Variants in NCALD observed in about 807,000 individuals in gnomAD.
NCALD encodes the protein neurocalcin-delta.
Under a neutral mutation model 18.6 loss-of-function variants are expected in NCALD, and 10 were observed. That is an observed-to-expected ratio of 0.54 (90% CI 0.33 to 0.91). The LOEUF is 0.91. Ranked by LOEUF, NCALD falls within the 40% of genes least tolerant of loss-of-function variation. The pLI is 0.03. For missense variants in NCALD, 184 were observed against 247.6 expected, an observed-to-expected ratio of 0.74 and a Z score of 1.72; for synonymous variants, 88 against 87.4, an observed-to-expected ratio of 1.01 and a Z score of -0.04.
intron 2 of NCALD, among the ~76,000 whole-genome samples, chr8:101,981,330 G>A (rs79058373): frequency 1.2e-3 from 180 of 152,124 alleles, no homozygotes; most frequent in African/African-American, 4.2e-3. Context: ...CCTGATTATA[G>A]CCAGTTATAT....
intron 2 of NCALD, among the ~76,000 whole-genome samples, chr8:102,012,467 C>T (rs1213213287): frequency 1.3e-5 from 2 of 152,220 alleles, no homozygotes; most frequent in African/African-American, 4.8e-5. Context: ...ATCAGCATTA[C>T]ATCAGGAGTC....
At chr8:101,719,740 A>AAAAC in intron 1 of NCALD, 92 bp from the exon 2 acceptor site, 1 of 1,225,094 alleles carries the variant, frequency 8.2e-7, no homozygotes, top group South Asian at 1.6e-5. Context: ...GGAAGAAGAA[A>AAAAC]AAACAAACAA....
Position 101,984,163 on chromosome 8 carries a change from TTC to T in NCALD, c.-157+36072_-157+36073del, listed in dbSNP as rs562501616. Among the ~76,000 whole-genome samples, 268 of 152,334 alleles carry T rather than the reference TTC, an allele frequency of 1.8e-3. 1 individual carries two copies. Among genetic ancestry groups the T allele is most frequent in the South Asian group, 3.1e-3 (15 of 4,824 alleles). On this transcript the variant is annotated intron_variant, in intron 2 of 6. Transcript: ENST00000311028. ...GGCTCACTCCTTATTACTTGGACAGTTCTCTGTTTCTAACTCTTTAACCTTCC... is the reference window on the plus strand; with the variant it reads ...GGCTCACTCCTTATTACTTGGACAGTTCTGTTTCTAACTCTTTAACCTTCC...
At chr8:101,831,365 C>T (rs1814178717) in intron 4 of NCALD, among the ~76,000 whole-genome samples, 1 of 152,112 alleles carries the variant, frequency 6.6e-6, no homozygotes, top group African/African-American at 2.4e-5. Flanking sequence ...GGAAGATCTA[C>T]CTGTGCCATT....
chr8:101,938,604 CTTA>C (rs1818846059), intron 2 of NCALD, among the ~76,000 whole-genome samples: 1 of 151,966 alleles, frequency 6.6e-6, no homozygotes, highest in Non-Finnish European at 1.5e-5. Flanking sequence ...TAATCTCAGT[CTTA>C]TTATTTCTAA....
At chr8:101,869,665 A>G (rs181065092) in intron 4 of NCALD, among the ~76,000 whole-genome samples, 1 of 152,326 alleles carries the variant, frequency 6.6e-6, no homozygotes, top group African/African-American at 2.4e-5. Flanking sequence ...CGGGCACCCT[A>G]AAATATTAAT....
chr8:101,882,834 C>T (rs2131466777), intron 4 of NCALD, among the ~76,000 whole-genome samples: 1 of 152,300 alleles, frequency 6.6e-6, no homozygotes. Context: ...AGCAGACCTT[C>T]ATAAAAGACA....
chr8:102,102,178 A>G (rs1302070064), intron 1 of NCALD, among the ~76,000 whole-genome samples: 2 of 152,248 alleles, frequency 1.3e-5, no homozygotes, highest in East Asian at 3.8e-4. Context: ...TAACAAATGT[A>G]TATTGAGCAC....
intron 1 of NCALD, among the ~76,000 whole-genome samples, chr8:102,034,069 GAAGT>G (rs1345559417): frequency 1.3e-4 from 20 of 150,234 alleles, no homozygotes; most frequent in African/African-American, 2.7e-4. Flanking sequence ...ATCAGTTACA[GAAGT>G]AAGGGCTATA....
intron 1 of NCALD, chr8:101,749,909 G>C (rs1322897705): frequency 1.3e-5 from 2 of 152,242 alleles, no homozygotes; most frequent in African/African-American, 4.8e-5. Flanking sequence ...TTCTGGCATA[G>C]CAGCTGGATG....
chr8:101,957,285 TG>T lies in NCALD; in HGVS notation c.-156-41428del, dbSNP rs1237225562. ...ACAGATGGGTAGTAAAAAGAAAAGT[TG>T]GGGTTTTTTTTTTTTTTTTTTTTTT... On this transcript the variant is annotated intron_variant, in intron 2 of 6. Coordinates refer to the NCALD transcript ENST00000311028. 1.2e-3 allele frequency among the ~76,000 whole-genome samples: 159 copies of T among 137,140 alleles called. 1 individual carries two copies. Among genetic ancestry groups the T allele is most frequent in the Middle Eastern group, 7.3e-3 (2 of 274 alleles). 90.0% of individuals were successfully genotyped at this position (137,140 alleles called of 152,430 possible). A position where few individuals can be genotyped will look rare whatever the true frequency, so the allele number is the denominator to read the frequency against.
intron 4 of NCALD, among the ~76,000 whole-genome samples, chr8:101,883,142 C>G (rs1296559557): frequency 6.6e-6 from 1 of 152,198 alleles, no homozygotes; most frequent in Admixed American, 6.5e-5. Context: ...AAGGCCAAAA[C>G]AGAAGGACTG....
intron 1 of NCALD, among the ~76,000 whole-genome samples, chr8:102,072,618 AT>A (rs1046555132): frequency 6.6e-6 from 1 of 152,100 alleles, no homozygotes; most frequent in Non-Finnish European, 1.5e-5. Flanking sequence ...AATAATAATA[AT>A]AATAATAATA....
chr8:101,894,445 T>G (rs1374708773), intron 3 of NCALD, among the ~76,000 whole-genome samples: 2 of 138,578 alleles, frequency 1.4e-5, no homozygotes, highest in Non-Finnish European at 3.1e-5. Flanking sequence ...ACATCACAAT[T>G]AAAAGAACTA....
At chr8:101,749,603 C>T (rs2892324) in intron 1 of NCALD, among the ~76,000 whole-genome samples, 112,348 of 152,118 alleles carry the variant, frequency 0.74, 41,834 homozygotes, top group East Asian at 0.84. Flanking sequence ...ACATGATATA[C>T]AAGGTTGTAT....
chr8:101,820,616 G>A (rs1302859906), intron 4 of NCALD, among the ~76,000 whole-genome samples: 1 of 152,092 alleles, frequency 6.6e-6, no homozygotes, highest in Non-Finnish European at 1.5e-5. Flanking sequence ...AGTCTCTATA[G>A]TTTTTGCCAA....
chr8:102,101,357 T>A (rs781744193), intron 1 of NCALD, among the ~76,000 whole-genome samples: 27 of 152,256 alleles, frequency 1.8e-4, no homozygotes, highest in Non-Finnish European at 3.2e-4. Flanking sequence ...AAAAAGTTTT[T>A]AAAACACTGC....
intron 1 of NCALD, among the ~76,000 whole-genome samples, chr8:101,740,141 TAAAAGAGTTA>T (rs776849995): frequency 6.6e-6 from 1 of 152,240 alleles, no homozygotes; most frequent in Non-Finnish European, 1.5e-5. Flanking sequence ...ATACAGATTA[TAAAAGAGTTA>T]AATTAGCAGA....
intron 4 of NCALD, among the ~76,000 whole-genome samples, chr8:101,838,370 C>T (rs1586607951): frequency 6.6e-6 from 1 of 152,070 alleles, no homozygotes; most frequent in East Asian, 1.9e-4. Flanking sequence ...TACAGGTGTG[C>T]ACCACAATGC....
Sources: allele counts gnomAD v4.1 joint callset (sites outside exome capture counted in the v4.1 genomes callset), GRCh38; gene constraint gnomAD v4.1.1; transcripts MANE v1.5; gene names NCBI Gene and HGNC (gene_info 2026-07-23, HGNC 2026-07-21).